Variants in MYO1D observed in about 807,000 individuals in gnomAD.
The protein encoded by MYO1D is unconventional myosin-Id.
MYO1D carries 83 observed loss-of-function variants against 122.0 expected under a neutral mutation model. The observed-to-expected ratio is 0.68, with a 90% CI of 0.57 to 0.82. The LOEUF (loss-of-function observed/expected upper bound fraction) is 0.82, where lower values mean the gene tolerates loss of function less well. Ranked by LOEUF, MYO1D falls within the 40% of genes least tolerant of loss-of-function variation. MYO1D has a pLI of 0.00. For synonymous variants in MYO1D, 464 were observed against 446.9 expected (o/e 1.04, Z -0.48); for missense variants, 1,157 against 1,269.5 (o/e 0.91, Z 1.35).
intron 1 of MYO1D, among the ~76,000 whole-genome samples, chr17:32,846,969 A>G (rs2090943001): frequency 1.3e-5 from 2 of 152,218 alleles, no homozygotes; most frequent in African/African-American, 4.8e-5. Flanking sequence ...CCTGGGGAAC[A>G]GAACGAGACC....
At chr17:32,712,994 G>C (rs969315918) in intron 15 of MYO1D, among the ~76,000 whole-genome samples, 81 of 152,198 alleles carry the variant, frequency 5.3e-4, no homozygotes, top group African/African-American at 1.7e-3. Flanking sequence ...ATACCAGGAG[G>C]TAGAGGGCAT....
chr17:32,579,666 C>A (rs965417999), intron 21 of MYO1D, among the ~76,000 whole-genome samples: 4 of 152,184 alleles, frequency 2.6e-5, no homozygotes, highest in Non-Finnish European at 5.9e-5. Context: ...CCTTCCCCTC[C>A]CTATCCACTC....
chr17:32,769,662 T>C (rs1168097778), intron 6 of MYO1D, among the ~76,000 whole-genome samples: 1 of 152,086 alleles, frequency 6.6e-6, no homozygotes, highest in Non-Finnish European at 1.5e-5. Context: ...ATTCCATTTA[T>C]AAATATAGAT....
intron 1 of MYO1D, among the ~76,000 whole-genome samples, chr17:32,816,381 C>T (rs1401340136): frequency 1.3e-5 from 2 of 152,072 alleles, no homozygotes; most frequent in African/African-American, 4.8e-5. Flanking sequence ...AAGGGTTAGG[C>T]AGCTAAAGAG....
At chr17:32,828,574 A>G (rs2090744886) in intron 1 of MYO1D, among the ~76,000 whole-genome samples, 1 of 150,670 alleles carries the variant, frequency 6.6e-6, no homozygotes, top group South Asian at 2.1e-4. Context: ...TACGTGAATG[A>G]GTCAAGCAGA....
intron 20 of MYO1D, among the ~76,000 whole-genome samples, chr17:32,607,037 G>GT (rs1458731405): frequency 6.6e-6 from 1 of 152,146 alleles, no homozygotes; most frequent in Non-Finnish European, 1.5e-5. Flanking sequence ...GCAGGCGCCT[G>GT]TAATCCCAGC....
At chr17:32,810,479 C>CTTTT (rs112741399) in intron 1 of MYO1D, among the ~76,000 whole-genome samples, 1 of 141,784 alleles carries the variant, frequency 7.1e-6, no homozygotes, top group African/African-American at 2.6e-5. Flanking sequence ...AAGTCCGTAA[C>CTTTT]TTTTTTTTTT....
intron 1 of MYO1D, among the ~76,000 whole-genome samples, chr17:32,820,903 G>T (rs1598126696): frequency 6.6e-6 from 1 of 152,030 alleles, no homozygotes; most frequent in African/African-American, 2.4e-5. Flanking sequence ...AGTTAAGGGG[G>T]TACATATGCA....
At chr17:32,828,536 A>AAAAG (rs1289913672) in intron 1 of MYO1D, among the ~76,000 whole-genome samples, 1 of 151,118 alleles carries the variant, frequency 6.6e-6, no homozygotes, top group Non-Finnish European at 1.5e-5. Flanking sequence ...AAAAAAAAAA[A>AAAAG]AAAGAAAGAA....
chr17:32,542,564 C>G (rs1910868490), intron 21 of MYO1D, among the ~76,000 whole-genome samples: 1 of 151,280 alleles, frequency 6.6e-6, no homozygotes. Flanking sequence ...GCTGTTCACA[C>G]CCGGCAGCAT....
intron 20 of MYO1D, among the ~76,000 whole-genome samples, chr17:32,618,919 G>A (rs1184667310): frequency 6.6e-6 from 1 of 152,176 alleles, no homozygotes; most frequent in Non-Finnish European, 1.5e-5. Flanking sequence ...ACAGGCGTGA[G>A]TCACTGTGCC....
intron 1 of MYO1D, among the ~76,000 whole-genome samples, chr17:32,867,323 CAAAAAA>C (rs754118023): frequency 1.3e-5 from 1 of 74,358 alleles, no homozygotes; most frequent in Admixed American, 1.6e-4. Flanking sequence ...GAGACTGTCT[CAAAAAA>C]AAAAAAAAAA....
At chr17:32,621,205 G>C (rs117278290) in intron 20 of MYO1D, among the ~76,000 whole-genome samples, 1,528 of 152,142 alleles carry the variant, frequency 0.01, 9 homozygotes, top group Middle Eastern at 0.024. Flanking sequence ...TGCTCAAAAA[G>C]TTTTGGAATT....
intron 21 of MYO1D, among the ~76,000 whole-genome samples, chr17:32,541,189 A>G (rs1317022426): frequency 6.6e-6 from 1 of 152,272 alleles, no homozygotes; most frequent in Non-Finnish European, 1.5e-5. Flanking sequence ...TGAAATGTTT[A>G]TCCACTGACA....
At chr17:32,599,806 C>G (rs148640456) in intron 21 of MYO1D, among the ~76,000 whole-genome samples, 128 of 152,300 alleles carry the variant, frequency 8.4e-4, no homozygotes, top group African/African-American at 3.0e-3. Flanking sequence ...GTATGTGCCA[C>G]CACGCCTGGC....
intron 20 of MYO1D, among the ~76,000 whole-genome samples, chr17:32,626,752 A>G (rs1392192030): frequency 1.3e-5 from 2 of 152,234 alleles, no homozygotes; most frequent in Non-Finnish European, 2.9e-5. Flanking sequence ...CAGGAAAACC[A>G]TCAACGGGGG....
chr17:32,714,155 A>G (rs2089413500), intron 15 of MYO1D, among the ~76,000 whole-genome samples: 2 of 151,856 alleles, frequency 1.3e-5, no homozygotes, highest in Admixed American at 1.3e-4. Context: ...TGCTGTACAA[A>G]TCAGCCCATT....
At chr17:32,721,233 T>G in intron 14 of MYO1D, 44 bp from the exon 15 acceptor site, 1 of 1,588,010 alleles carries the variant, frequency 6.3e-7, no homozygotes, top group South Asian at 1.1e-5. Flanking sequence ...CTGGAGAAAA[T>G]TTCCCAGCTA....
intron 1 of MYO1D, among the ~76,000 whole-genome samples, chr17:32,869,901 C>A (rs1567679588): frequency 6.6e-6 from 1 of 151,846 alleles, no homozygotes; most frequent in South Asian, 2.1e-4. Context: ...CCATTGCACT[C>A]CAGCCTGGGT....
Sources: allele counts gnomAD v4.1 joint callset (sites outside exome capture counted in the v4.1 genomes callset), GRCh38; gene constraint gnomAD v4.1.1; transcripts MANE v1.5; gene names NCBI Gene and HGNC (gene_info 2026-07-23, HGNC 2026-07-21).